The following CA10 variants were observed in gnomAD, a reference collection of about 807,000 sequenced individuals.
CA10 encodes the protein carbonic anhydrase 10 (inactive).
A neutral mutation model predicts 44.2 loss-of-function variants in CA10; 14 were observed. That is an observed-to-expected ratio of 0.32 (90% CI 0.21 to 0.50). The LOEUF (loss-of-function observed/expected upper bound fraction) is 0.50, where lower values mean the gene tolerates loss of function less well. Ranked by LOEUF, CA10 falls within the 20% of genes least tolerant of loss-of-function variation. The pLI is 0.99. For missense variants in CA10, 350 were observed against 409.7 expected (o/e 0.85, Z 1.26); for synonymous variants, 159 against 141.6 (o/e 1.12, Z -0.87).
intron 3 of CA10, among the ~76,000 whole-genome samples, chr17:51,883,166 C>T (rs991661283): frequency 2.6e-5 from 4 of 152,154 alleles, no homozygotes; most frequent in African/African-American, 9.7e-5. Context: ...TTTATTTTGA[C>T]AGGGTTAACA....
chr17:51,931,193 TAAAC>T (rs1567889977), intron 2 of CA10, 61 bp from the exon 3 acceptor site: 1 of 1,519,216 alleles, frequency 6.6e-7, no homozygotes, highest in African/African-American at 1.4e-5. Flanking sequence ...ACAACATAAA[TAAAC>T]AGAGCTATGT....
intron 3 of CA10, among the ~76,000 whole-genome samples, chr17:51,858,485 CA>C (rs1270071399): frequency 6.6e-6 from 1 of 152,268 alleles, no homozygotes; most frequent in East Asian, 1.9e-4. Flanking sequence ...GCTCCGGTTA[CA>C]GCTGAAAATG....
intron 2 of CA10, among the ~76,000 whole-genome samples, chr17:51,939,193 CATT>C (rs1982982551): frequency 6.6e-6 from 1 of 151,944 alleles, no homozygotes; most frequent in South Asian, 2.1e-4. Context: ...TAAAAAGTAA[CATT>C]ATGCCATGGA....
At chr17:51,734,834 T>C (rs1278035793) in intron 4 of CA10, among the ~76,000 whole-genome samples, 2 of 152,130 alleles carry the variant, frequency 1.3e-5, no homozygotes, top group African/African-American at 4.8e-5. Flanking sequence ...GAGCAGAAAT[T>C]TATTTTTCAC....
chr17:52,005,117 T>C (rs1985553402), intron 2 of CA10, among the ~76,000 whole-genome samples: 1 of 151,946 alleles, frequency 6.6e-6, no homozygotes, highest in African/African-American at 2.4e-5. Flanking sequence ...AAGTTGTGAA[T>C]ACCTCTATAG....
chr17:52,041,868 T>C lies in CA10; in HGVS notation c.136+30451A>G, dbSNP rs887818224. 2.3e-4 allele frequency among the ~76,000 whole-genome samples: 35 copies of C among 152,088 alleles called. 2 individuals carry two copies. Among genetic ancestry groups the C allele is most frequent in the Admixed American group, 1.3e-4 (2 of 15,266 alleles). ...GTCTTTCTATGTCTGGCTTGTTTCATCTTATATAATGTCCTCCAGGTTCAT... is the reference window on the plus strand; with the variant it reads ...GTCTTTCTATGTCTGGCTTGTTTCACCTTATATAATGTCCTCCAGGTTCAT... On this transcript the variant is annotated intron_variant, in intron 2 of 8. Transcript: ENST00000451037.
intron 2 of CA10, among the ~76,000 whole-genome samples, chr17:51,936,941 T>C (rs1982891734): frequency 6.6e-6 from 1 of 152,156 alleles, no homozygotes; most frequent in Admixed American, 6.6e-5. Flanking sequence ...TGTTTTAAAA[T>C]TATTCTCTTC....
chr17:51,795,979 G>T (rs1196475927), intron 3 of CA10, among the ~76,000 whole-genome samples: 1 of 152,220 alleles, frequency 6.6e-6, no homozygotes, highest in Non-Finnish European at 1.5e-5. Flanking sequence ...CAGAGCTATT[G>T]ATCAGGAGCT....
intron 2 of CA10, among the ~76,000 whole-genome samples, chr17:51,967,217 A>T (rs1984113248): frequency 1.3e-5 from 2 of 151,704 alleles, no homozygotes; most frequent in Admixed American, 6.6e-5. Flanking sequence ...CAGAGAAAAG[A>T]GAACATTTAT....
intron 3 of CA10, among the ~76,000 whole-genome samples, chr17:51,850,292 G>A (rs1307307719): frequency 6.6e-6 from 1 of 152,186 alleles, no homozygotes; most frequent in East Asian, 1.9e-4. Context: ...ATATAAAGTA[G>A]AGGAACACGG....
chr17:51,858,083 AG>A (rs1262463409), intron 3 of CA10, among the ~76,000 whole-genome samples: 2 of 152,186 alleles, frequency 1.3e-5, no homozygotes. Context: ...AGAAACGGAA[AG>A]GAGAGAAATG....
intron 3 of CA10, among the ~76,000 whole-genome samples, chr17:51,891,551 G>C (rs1489919142): frequency 1.3e-5 from 2 of 152,232 alleles, no homozygotes; most frequent in South Asian, 2.1e-4. Context: ...CTTCAAGATT[G>C]ATGTACAGGG....
intron 3 of CA10, among the ~76,000 whole-genome samples, chr17:51,802,766 C>T (rs752029620): frequency 5.3e-5 from 8 of 152,208 alleles, no homozygotes; most frequent in Non-Finnish European, 4.4e-5. Flanking sequence ...TGAGGAAGGG[C>T]CTTGCCATGT....
At chr17:52,013,953 T>C (rs993309763) in intron 2 of CA10, among the ~76,000 whole-genome samples, 8 of 151,958 alleles carry the variant, frequency 5.3e-5, no homozygotes, top group Non-Finnish European at 4.4e-5. Context: ...CAAGTTTAAC[T>C]ATTTATTAAG....
At chr17:51,854,309 G>A (rs1259166209) in intron 3 of CA10, among the ~76,000 whole-genome samples, 1 of 152,208 alleles carries the variant, frequency 6.6e-6, no homozygotes, top group Non-Finnish European at 1.5e-5. Context: ...AGTGAGGTCA[G>A]GCAGTCTTTG....
At chr17:52,034,397 A>C (rs2144179030) in intron 2 of CA10, among the ~76,000 whole-genome samples, 1 of 152,328 alleles carries the variant, frequency 6.6e-6, no homozygotes, top group South Asian at 2.1e-4. Flanking sequence ...GCAAATATAG[A>C]GTCTTGGACA....
chr17:51,972,447 T>C (rs1984314222), intron 2 of CA10, among the ~76,000 whole-genome samples: 1 of 151,298 alleles, frequency 6.6e-6, no homozygotes, highest in Non-Finnish European at 1.5e-5. Flanking sequence ...ACAACAGTTG[T>C]GACCTTCATT....
chr17:51,635,930 C>T lies in CA10; in HGVS notation c.714G>A (p.Ser238=), dbSNP rs374650198. The change falls in exon 7 of 9, where the codon TCG becomes TCA. Residue 238 remains serine, a synonymous_variant. Transcript: ENST00000451037. The stretch of plus-strand genomic sequence containing the variant: ...TCTCATAGCAGGGTGGGATAGTCAT[C>T]GACCCATCGTAAGTGATGAAACTAG... ...ETSSFITYDG[S]MTIPPCYETA... 7.5e-6 allele frequency: 12 copies of T among 1,609,248 alleles called. No homozygotes were observed. The highest frequency in any genetic ancestry group is 2.7e-5 in the African/African-American group (2 of 74,800).
At chr17:51,681,575 A>C (rs534376586) in intron 4 of CA10, among the ~76,000 whole-genome samples, 1 of 152,180 alleles carries the variant, frequency 6.6e-6, no homozygotes, top group East Asian at 1.9e-4. Flanking sequence ...ACCCCCAGTC[A>C]TGACAACCCT....
Sources: allele counts gnomAD v4.1 joint callset (sites outside exome capture counted in the v4.1 genomes callset), GRCh38; gene constraint gnomAD v4.1.1; transcripts MANE v1.5; gene names NCBI Gene and HGNC (gene_info 2026-07-23, HGNC 2026-07-21).